ZBTB20: variants seen among roughly 807,000 people sequenced by gnomAD.
ZBTB20 encodes zinc finger and BTB domain-containing protein 20.
ZBTB20 carries 9 observed loss-of-function variants against 56.9 expected under a neutral mutation model. The observed-to-expected ratio is 0.16, with a 90% CI of 0.10 to 0.28. ZBTB20 has a LOEUF of 0.28. Ranked by LOEUF, ZBTB20 falls within the 10% of genes least tolerant of loss-of-function variation. The probability of loss-of-function intolerance (pLI) is 1.00; values close to 1 mark genes in which losing one functional copy is unlikely to be tolerated. For missense variants in ZBTB20, 655 were observed against 1,003.0 expected (o/e 0.65, Z 4.69); for synonymous variants, 417 against 420.7 (o/e 0.99, Z 0.11).
intron 5 of ZBTB20, among the ~76,000 whole-genome samples, chr3:114,785,049 C>T (rs1016587792): frequency 2.0e-5 from 3 of 152,256 alleles, no homozygotes; most frequent in Admixed American, 2.0e-4. Flanking sequence ...AGGATTCAAA[C>T]CAGACATACT....
chr3:115,091,271 C>A (rs2083182349), intron 1 of ZBTB20, among the ~76,000 whole-genome samples: 1 of 151,950 alleles, frequency 6.6e-6, no homozygotes, highest in Admixed American at 6.6e-5. Context: ...CTAGCAATTT[C>A]ATTTTCAACT....
intron 6 of ZBTB20, among the ~76,000 whole-genome samples, chr3:114,658,153 G>A (rs921609444): frequency 2.1e-4 from 32 of 152,108 alleles, no homozygotes; most frequent in African/African-American, 7.7e-4. Context: ...ATTAAATTTA[G>A]CAGAATAATC....
chr3:115,059,057 T>C (rs2081921896), intron 2 of ZBTB20, among the ~76,000 whole-genome samples: 1 of 152,208 alleles, frequency 6.6e-6, no homozygotes, highest in Non-Finnish European at 1.5e-5. Context: ...CTCATTTCTC[T>C]CCTGATCATA....
Position 114,335,679 on chromosome 3 carries a change from T to C in ZBTB20, c.*3326A>G, listed in dbSNP as rs1340382980. On this transcript the variant is annotated 3_prime_UTR_variant, in exon 12 of 12. Coordinates refer to ENST00000675478, the MANE Select transcript of ZBTB20 (RefSeq NM_001348800.3). ...GTCAACTATTTTAGAATGTGACATA[T>C]TTGGGAAGGATAAATGTACAGTAGG... is the stretch of plus-strand genomic sequence containing the variant. 1 of 152,214 alleles carries C rather than the reference T, an allele frequency of 6.6e-6. No homozygotes were observed. The highest frequency in any genetic ancestry group is 6.5e-5 in the Admixed American group (1 of 15,268). 9.4% of individuals were successfully genotyped at this position (152,214 alleles called of 1,614,324 possible).
chr3:114,455,732 T>C (rs2091974752), intron 7 of ZBTB20, among the ~76,000 whole-genome samples: 1 of 152,108 alleles, frequency 6.6e-6, no homozygotes, highest in Non-Finnish European at 1.5e-5. Flanking sequence ...GCAAAAGTTC[T>C]GATGCAATAT....
At chr3:114,438,303 G>A (rs2090660139) in intron 7 of ZBTB20, among the ~76,000 whole-genome samples, 1 of 151,266 alleles carries the variant, frequency 6.6e-6, no homozygotes, top group Non-Finnish European at 1.5e-5. Flanking sequence ...TTAATGTTAG[G>A]TGCTCATTTT....
chr3:114,564,969 T>C (rs1411607024), intron 6 of ZBTB20, among the ~76,000 whole-genome samples: 1 of 152,190 alleles, frequency 6.6e-6, no homozygotes, highest in Admixed American at 6.5e-5. Flanking sequence ...TCTGCTTGCC[T>C]GACCTACATC....
intron 4 of ZBTB20, among the ~76,000 whole-genome samples, chr3:114,870,423 G>A (rs1231996877): frequency 6.7e-6 from 1 of 149,880 alleles, no homozygotes; most frequent in African/African-American, 2.5e-5. Context: ...ATCACATACT[G>A]GTTGACCATT....
At chr3:114,753,891 GA>G in intron 5 of ZBTB20, among the ~76,000 whole-genome samples, 1 of 152,144 alleles carries the variant, frequency 6.6e-6, no homozygotes, top group East Asian at 1.9e-4. Flanking sequence ...CGAAAAGAAG[GA>G]AAAAGGTATA....
chr3:115,007,940 C>A (rs568236692), intron 2 of ZBTB20, among the ~76,000 whole-genome samples: 1 of 151,836 alleles, frequency 6.6e-6, no homozygotes, highest in Non-Finnish European at 1.5e-5. Context: ...TTCTCCTGCC[C>A]TTTTCTCTTC....
At chr3:114,763,821 A>T (rs979823345) in intron 5 of ZBTB20, among the ~76,000 whole-genome samples, 2 of 152,150 alleles carry the variant, frequency 1.3e-5, no homozygotes, top group Non-Finnish European at 2.9e-5. Flanking sequence ...AAAAATACAT[A>T]ATTATTTTTC....
intron 6 of ZBTB20, among the ~76,000 whole-genome samples, chr3:114,682,670 T>C: frequency 6.6e-6 from 1 of 152,204 alleles, no homozygotes; most frequent in East Asian, 1.9e-4. Flanking sequence ...CCCTTATAAC[T>C]CATCAGGCTT....
intron 7 of ZBTB20, among the ~76,000 whole-genome samples, chr3:114,454,397 C>G (rs1393086334): frequency 6.6e-6 from 1 of 151,752 alleles, no homozygotes; most frequent in Non-Finnish European, 1.5e-5. Flanking sequence ...TCCCACCCCC[C>G]GTTGTACTGC....
At chr3:114,534,818 A>T (rs890837665) in intron 6 of ZBTB20, among the ~76,000 whole-genome samples, 3 of 152,214 alleles carry the variant, frequency 2.0e-5, no homozygotes, top group Non-Finnish European at 2.9e-5. Flanking sequence ...ATCAAATTAG[A>T]ACTCAAGATT....
intron 5 of ZBTB20, among the ~76,000 whole-genome samples, chr3:114,735,648 T>G (rs2066095438): frequency 6.6e-6 from 1 of 152,188 alleles, no homozygotes. Context: ...TAGTTTAAAA[T>G]ATAACCAGTT....
intron 6 of ZBTB20, among the ~76,000 whole-genome samples, chr3:114,681,402 C>T (rs2061966534): frequency 1.3e-5 from 2 of 152,150 alleles, no homozygotes; most frequent in Admixed American, 6.5e-5. Context: ...TTCAGGTGAT[C>T]CACCTCCCTT....
intron 4 of ZBTB20, among the ~76,000 whole-genome samples, chr3:114,895,467 T>A (rs1371908594): frequency 6.6e-6 from 1 of 152,210 alleles, no homozygotes; most frequent in Non-Finnish European, 1.5e-5. Flanking sequence ...GACATTGAAG[T>A]GAATGTGAGC....
At chr3:114,628,016 C>T (rs899537797) in intron 6 of ZBTB20, among the ~76,000 whole-genome samples, 7 of 152,128 alleles carry the variant, frequency 4.6e-5, no homozygotes, top group Admixed American at 3.9e-4. Context: ...CCTTAACTCC[C>T]CATGTCTCAG....
intron 2 of ZBTB20, among the ~76,000 whole-genome samples, chr3:115,012,379 T>A (rs550678092): frequency 6.6e-6 from 1 of 151,860 alleles, no homozygotes; most frequent in African/African-American, 2.4e-5. Context: ...GGAAAAGATA[T>A]TCCATGCCAA....
Sources: allele counts gnomAD v4.1 joint callset (sites outside exome capture counted in the v4.1 genomes callset), GRCh38; gene constraint gnomAD v4.1.1; transcripts MANE v1.5; gene names NCBI Gene and HGNC (gene_info 2026-07-23, HGNC 2026-07-21).